DUS2: variants seen among roughly 807,000 people sequenced by gnomAD.
DUS2 encodes the protein dihydrouridine synthase 2.
DUS2 carries 52 observed loss-of-function variants against 71.3 expected under a neutral mutation model. The observed-to-expected ratio is 0.73, with a 90% CI of 0.58 to 0.92. The LOEUF (loss-of-function observed/expected upper bound fraction) is 0.92. Among genes scored for constraint, DUS2 ranks in the 40% least tolerant of loss-of-function variants. The pLI, the probability that DUS2 is intolerant of heterozygous loss-of-function variation, is 0.00. For synonymous variants in DUS2, 204 were observed against 227.8 expected (o/e 0.90, Z 0.94); for missense variants, 558 against 622.6 (o/e 0.90, Z 1.10).
At chr16:68,078,685 G>A in intron 16 of DUS2, 64 bp from the exon 17 acceptor site, 2 of 1,542,106 alleles carry the variant, frequency 1.3e-6, no homozygotes, top group Non-Finnish European at 1.8e-6. Flanking sequence ...TGCCAAGGAT[G>A]TGTAGAGTCA....
rs1033973957 is a variant in DUS2, at chr16:68,075,315, C to G, written c.933-40C>G. 2.0e-6 allele frequency: 3 copies of G among 1,522,492 alleles called. No individual in the cohort carries two copies. The African/African-American group carries it at 4.2e-5, about 21-fold the overall frequency. 94.3% of individuals were successfully genotyped at this position (1,522,492 alleles called of 1,614,324 possible). On this transcript the variant is annotated intron_variant, in intron 13 of 16. Transcript: ENST00000565263. Reference sequence around the variant, plus strand: ...TCCTGCAGTACCCTGGATGCTGGCTCCGCTAAAGTGTTTGCTCTGATCTGC... The same window carrying G: ...TCCTGCAGTACCCTGGATGCTGGCTGCGCTAAAGTGTTTGCTCTGATCTGC...
At position 68,078,486 on chromosome 16, in the gene DUS2, C is replaced by A. The variant is rs780076047; in HGVS notation, c.1212C>A (p.Thr404=). 5.0e-6 allele frequency: 8 copies of A among 1,614,112 alleles called. No homozygotes were observed. The part of the protein sequence containing the change: ...PLDRLFSSIV[T]VAEQKYQSTL... ...ATCGCCTGTTCTCCTCTATTGTCACCGTTGCTGAACAAAAGTATCAGTCTA... is the reference window on the plus strand; with the variant it reads ...ATCGCCTGTTCTCCTCTATTGTCACAGTTGCTGAACAAAAGTATCAGTCTA... Residue 404 remains threonine, a synonymous_variant, in exon 16 of 17, where the codon ACC becomes ACA. Coordinates refer to ENST00000565263, the MANE Select transcript of DUS2 (RefSeq NM_017803.5).
At chr16:68,026,750 C>T (rs989932766) in intron 2 of DUS2, among the ~76,000 whole-genome samples, 3 of 152,002 alleles carry the variant, frequency 2.0e-5, no homozygotes, top group African/African-American at 7.3e-5. Flanking sequence ...GTGGCAGGCA[C>T]CTGTAATCCC....
At position 68,075,412 on chromosome 16, in the gene DUS2, G is replaced by GCAGGC; in HGVS notation, c.996_1000dup (p.Leu334ProfsTer44). On this transcript the variant is annotated frameshift_variant, in exon 14 of 17. Coordinates refer to ENST00000565263, the MANE Select transcript of DUS2 (RefSeq NM_017803.5). LOFTEE classifies it high-confidence loss of function. Reference sequence around the variant, plus strand: ...AGACCACACAGGAGCTGGATGCCCAGCAGGCCAGGCTCTCAGCCAAGACTT... The same window carrying GCAGGC: ...AGACCACACAGGAGCTGGATGCCCAGCAGGCCAGGCCAGGCTCTCAGCCAAGACTT... The GCAGGC allele has an allele frequency of 6.2e-7, 1 of 1,613,662 alleles. No homozygotes were observed. The highest frequency in any genetic ancestry group is 8.5e-7 in the Non-Finnish European group (1 of 1,179,772).
At chr16:68,030,307 C>T (rs2033418426) in intron 2 of DUS2, among the ~76,000 whole-genome samples, 1 of 151,762 alleles carries the variant, frequency 6.6e-6, no homozygotes, top group Non-Finnish European at 1.5e-5. Context: ...AAAAACCCCA[C>T]CGGAGGCCAG....
intron 10 of DUS2, among the ~76,000 whole-genome samples, chr16:68,068,575 T>C (rs1323552084): frequency 6.9e-6 from 1 of 144,424 alleles, no homozygotes; most frequent in Non-Finnish European, 1.5e-5. Context: ...TGTAGTATTC[T>C]TTCTCTCTCT....
chr16:68,075,289 G>A, intron 13 of DUS2, 66 bp from the exon 14 acceptor site: 1 of 1,449,988 alleles, frequency 6.9e-7, no homozygotes, highest in Non-Finnish European at 9.1e-7. Flanking sequence ...GGGCCCTGGG[G>A]TCCTGCAGTA....
chr16:68,058,813 T>C (rs2033897002), intron 7 of DUS2, among the ~76,000 whole-genome samples: 1 of 152,190 alleles, frequency 6.6e-6, no homozygotes, highest in Non-Finnish European at 1.5e-5. Context: ...GGCACAGCAC[T>C]GGCACTGATC....
At chr16:68,048,687 A>T (rs561093197) in intron 3 of DUS2, among the ~76,000 whole-genome samples, 1 of 152,236 alleles carries the variant, frequency 6.6e-6, no homozygotes, top group South Asian at 2.1e-4. Flanking sequence ...CATTGTGCCC[A>T]CTTGGCTGGG....
At chr16:68,029,046 A>C (rs2033399878) in intron 2 of DUS2, among the ~76,000 whole-genome samples, 1 of 152,092 alleles carries the variant, frequency 6.6e-6, no homozygotes, top group Non-Finnish European at 1.5e-5. Context: ...AGAAAAATTT[A>C]AACACAAAAT....
At position 68,037,524 on chromosome 16, in the gene DUS2, TCTC is replaced by T. The variant is rs1474639337; in HGVS notation, c.-18-479_-18-477del. Among the ~76,000 whole-genome samples the T allele has an allele frequency of 2.0e-5, 3 of 151,602 alleles. No individual in the cohort carries two copies. In the East Asian group the frequency reaches 5.8e-4, roughly 29 times the overall value. On this transcript the variant is annotated intron_variant, in intron 2 of 16. Coordinates refer to ENST00000565263, the MANE Select transcript of DUS2 (RefSeq NM_017803.5). ...CCTCCGCCTCCCAGGTTCAAACAATTCTCCTGCCTCAGCCTCCTGAGTAGCTGG... is the reference window on the plus strand; with the variant it reads ...CCTCCGCCTCCCAGGTTCAAACAATTCTGCCTCAGCCTCCTGAGTAGCTGG...
At chr16:68,030,501 G>A (rs2033421180) in intron 2 of DUS2, among the ~76,000 whole-genome samples, 1 of 152,116 alleles carries the variant, frequency 6.6e-6, no homozygotes, top group South Asian at 2.1e-4. Context: ...TGAGGCAGGA[G>A]AATTGCTCGA....
intron 2 of DUS2, among the ~76,000 whole-genome samples, chr16:68,029,935 G>A (rs555898712): frequency 1.5e-4 from 22 of 150,376 alleles, no homozygotes; most frequent in African/African-American, 5.4e-4. Flanking sequence ...TTGTAGAGGT[G>A]GTGTCTTATT....
intron 3 of DUS2, among the ~76,000 whole-genome samples, chr16:68,048,022 A>G (rs926537555): frequency 6.6e-6 from 1 of 152,106 alleles, no homozygotes; most frequent in Non-Finnish European, 1.5e-5. Flanking sequence ...AGCTCAAGTG[A>G]TCCTCCTGCT....
chr16:68,073,564 C>T (rs1302058452), intron 12 of DUS2, among the ~76,000 whole-genome samples: 4 of 151,926 alleles, frequency 2.6e-5, no homozygotes, highest in Admixed American at 6.5e-5. Context: ...ATTCTCTTGC[C>T]TCAGCCTCCC....
intron 3 of DUS2, among the ~76,000 whole-genome samples, chr16:68,046,128 TC>T (rs2033696962): frequency 6.6e-6 from 1 of 152,210 alleles, no homozygotes. Context: ...GGGTTTGGCT[TC>T]TATTGATCCT....
At chr16:68,075,760 G>A (rs2034147925) in intron 14 of DUS2, among the ~76,000 whole-genome samples, 1 of 152,126 alleles carries the variant, frequency 6.6e-6, no homozygotes, top group Admixed American at 6.5e-5. Flanking sequence ...CAGGGCAGGG[G>A]GGACTTGTCT....
intron 3 of DUS2, 50 bp from the exon 4 acceptor site, chr16:68,049,455 C>T: frequency 6.3e-7 from 1 of 1,598,652 alleles, no homozygotes; most frequent in Non-Finnish European, 8.6e-7. Flanking sequence ...TCCTTCATGC[C>T]CAGAGCCTAC....
intron 6 of DUS2, 134 bp from the exon 7 acceptor site, chr16:68,056,230 T>G: frequency 1.5e-6 from 1 of 650,826 alleles, no homozygotes; most frequent in Non-Finnish European, 2.6e-6. Flanking sequence ...GCTTCTGTCA[T>G]TGGGGGTTGG....
Sources: gnomAD v4.1 joint callset for allele counts (sites outside exome capture counted in the v4.1 genomes callset) on GRCh38, gnomAD v4.1.1 for gene constraint, MANE v1.5 for transcripts, NCBI Gene and HGNC (gene_info 2026-07-23, HGNC 2026-07-21) for gene names.